Variants in CCDC102B observed in about 807,000 individuals in gnomAD.
The protein encoded by CCDC102B is coiled-coil domain containing 102B.
In CCDC102B, 75 loss-of-function variants were observed where a neutral mutation model predicts 57.4. The ratio of observed to expected loss-of-function variants is 1.31; its 90% confidence interval spans 1.08 to 1.58. The LOEUF is 1.58. CCDC102B is among the 40% of genes most tolerant of loss of function. The pLI, the probability that CCDC102B is intolerant of heterozygous loss-of-function variation, is 0.00. For synonymous variants in CCDC102B, 206 were observed against 201.9 expected, an observed-to-expected ratio of 1.02 and a Z score of -0.17; for missense variants, 636 against 582.6, an observed-to-expected ratio of 1.09 and a Z score of -0.94.
At chr18:68,874,030 G>A (rs2039336225) in intron 4 of CCDC102B, among the ~76,000 whole-genome samples, 1 of 151,840 alleles carries the variant, frequency 6.6e-6, no homozygotes, top group African/African-American at 2.4e-5. Context: ...AAGAACAGCT[G>A]TGGGAAAATA....
At chr18:68,810,038 C>T (rs1377749452) in intron 1 of CCDC102B, among the ~76,000 whole-genome samples, 2 of 152,006 alleles carry the variant, frequency 1.3e-5, no homozygotes, top group African/African-American at 2.4e-5. Flanking sequence ...ATTATTTTAC[C>T]ACTTCTTGTT....
intron 2 of CCDC102B, among the ~76,000 whole-genome samples, chr18:68,782,817 A>C (rs1219289785): frequency 6.6e-6 from 1 of 152,218 alleles, no homozygotes; most frequent in Admixed American, 6.5e-5. Context: ...AAAAATATTC[A>C]ACATTGTTTC....
At chr18:68,919,946 C>T (rs952149814) in intron 6 of CCDC102B, among the ~76,000 whole-genome samples, 1 of 152,030 alleles carries the variant, frequency 6.6e-6, no homozygotes, top group Non-Finnish European at 1.5e-5. Context: ...TGATGCCGTA[C>T]CCCAAGGAAA....
intron 4 of CCDC102B, among the ~76,000 whole-genome samples, chr18:68,850,076 A>G (rs2038053769): frequency 6.6e-6 from 1 of 152,176 alleles, no homozygotes; most frequent in African/African-American, 2.4e-5. Flanking sequence ...ACATAATTGC[A>G]AGGCATGTTG....
intron 7 of CCDC102B, among the ~76,000 whole-genome samples, chr18:69,033,344 T>C (rs1425204696): frequency 6.6e-6 from 1 of 152,148 alleles, no homozygotes; most frequent in Non-Finnish European, 1.5e-5. Context: ...TCAATAGTTA[T>C]TAGTATCATC....
chr18:68,799,643 G>A (rs974382414), intron 1 of CCDC102B, among the ~76,000 whole-genome samples: 9 of 152,156 alleles, frequency 5.9e-5, no homozygotes, highest in African/African-American at 2.2e-4. Context: ...AGAGATGCCA[G>A]AGGCTTTAAA....
intron 6 of CCDC102B, among the ~76,000 whole-genome samples, chr18:68,939,153 A>G (rs1012458415): frequency 3.6e-4 from 55 of 151,934 alleles, no homozygotes; most frequent in African/African-American, 1.3e-3. Context: ...AGTCAGTTAA[A>G]TACATATGAA....
intron 6 of CCDC102B, among the ~76,000 whole-genome samples, chr18:68,938,512 T>C (rs1003741820): frequency 6.6e-6 from 1 of 151,894 alleles, no homozygotes; most frequent in Admixed American, 6.6e-5. Flanking sequence ...TGTTTTATAA[T>C]ACAAATATCT....
At chr18:68,906,018 C>A (rs563392929) in intron 6 of CCDC102B, among the ~76,000 whole-genome samples, 1 of 152,016 alleles carries the variant, frequency 6.6e-6, no homozygotes, top group Non-Finnish European at 1.5e-5. Context: ...TGGTCTTGAT[C>A]GCCTGACCTC....
chr18:68,775,127 T>C (rs978564665), intron 2 of CCDC102B, among the ~76,000 whole-genome samples: 6 of 151,564 alleles, frequency 4.0e-5, no homozygotes, highest in African/African-American at 1.4e-4. Context: ...GGAGATTATG[T>C]TGATATGCTA....
chr18:68,741,636 A>T (rs930890299), intron 2 of CCDC102B, among the ~76,000 whole-genome samples: 2 of 150,850 alleles, frequency 1.3e-5, no homozygotes, highest in Non-Finnish European at 2.9e-5. Flanking sequence ...AAGGTCCCTT[A>T]CCCCAAATTT....
chr18:68,986,535 A>G (rs2050727814), intron 6 of CCDC102B, among the ~76,000 whole-genome samples: 1 of 152,164 alleles, frequency 6.6e-6, no homozygotes, highest in Non-Finnish European at 1.5e-5. Flanking sequence ...TGCCAACACC[A>G]TACTGAATGG....
intron 6 of CCDC102B, among the ~76,000 whole-genome samples, chr18:68,935,140 G>C (rs933173295): frequency 2.0e-5 from 3 of 151,958 alleles, no homozygotes. Context: ...GAATGAGCTA[G>C]CCATGGTCAT....
intron 6 of CCDC102B, among the ~76,000 whole-genome samples, chr18:68,949,377 A>G (rs11662786): frequency 0.26 from 38,959 of 152,050 alleles, 6,329 homozygotes; most frequent in East Asian, 0.57. Context: ...TGACATTTGT[A>G]TAAAAACACA....
At chr18:68,923,104 G>C (rs1197636673) in intron 6 of CCDC102B, among the ~76,000 whole-genome samples, 2 of 151,686 alleles carry the variant, frequency 1.3e-5, no homozygotes, top group African/African-American at 4.8e-5. Context: ...CTCCAAAAAA[G>C]GACATGGAGA....
intron 7 of CCDC102B, among the ~76,000 whole-genome samples, chr18:69,028,489 G>A (rs2052052863): frequency 6.6e-6 from 1 of 152,130 alleles, no homozygotes; most frequent in East Asian, 1.9e-4. Flanking sequence ...ATTGTAGGAA[G>A]GACAGTGGTA....
chr18:68,928,618 G>T (rs2041557900), intron 6 of CCDC102B, among the ~76,000 whole-genome samples: 1 of 151,798 alleles, frequency 6.6e-6, no homozygotes, highest in Non-Finnish European at 1.5e-5. Context: ...AGGAAATAGG[G>T]CGAAGAACCC....
At chr18:68,961,751 A>G (rs1186020708) in intron 6 of CCDC102B, among the ~76,000 whole-genome samples, 1 of 152,058 alleles carries the variant, frequency 6.6e-6, no homozygotes, top group Non-Finnish European at 1.5e-5. Flanking sequence ...TTGTGAAATT[A>G]TGTATTTGCT....
At chr18:68,971,324 T>G (rs955621673) in intron 6 of CCDC102B, among the ~76,000 whole-genome samples, 9 of 152,110 alleles carry the variant, frequency 5.9e-5, no homozygotes, top group Non-Finnish European at 1.0e-4. Context: ...CAGGCTTATG[T>G]TCGAGTCTAC....
Sources: gnomAD v4.1 joint callset for allele counts (sites outside exome capture counted in the v4.1 genomes callset) on GRCh38, gnomAD v4.1.1 for gene constraint, MANE v1.5 for transcripts, NCBI Gene and HGNC (gene_info 2026-07-23, HGNC 2026-07-21) for gene names.